NDST3: variants seen among roughly 807,000 people sequenced by gnomAD.
The protein encoded by NDST3 is N-deacetylase and N-sulfotransferase 3.
A neutral mutation model predicts 96.1 loss-of-function variants in NDST3; 58 were observed. The observed-to-expected ratio is 0.60, with a 90% CI of 0.49 to 0.75. NDST3 has a LOEUF of 0.75. NDST3 is among the 30% of genes least tolerant of loss of function. NDST3 has a pLI of 0.00. For missense variants in NDST3, 788 were observed against 1,034.2 expected, an observed-to-expected ratio of 0.76 and a Z score of 3.27; for synonymous variants, 333 against 359.7, an observed-to-expected ratio of 0.93 and a Z score of 0.84.
intron 2 of NDST3, 193 bp downstream of exon 2, chr4:118,055,084 G>T (rs562424717): frequency 1.4e-6 from 1 of 707,434 alleles, no homozygotes; most frequent in East Asian, 2.8e-5. Context: ...GAAAAATAAA[G>T]ATTTTACTAA....
intron 2 of NDST3, among the ~76,000 whole-genome samples, chr4:118,101,885 T>C (rs1729794607): frequency 6.6e-6 from 1 of 152,158 alleles, no homozygotes. Flanking sequence ...TATACTCATT[T>C]GATGCAATAT....
chr4:118,096,726 T>C (rs1560639957), intron 2 of NDST3, among the ~76,000 whole-genome samples: 1 of 150,798 alleles, frequency 6.6e-6, no homozygotes, highest in Non-Finnish European at 1.5e-5. Context: ...TAGGCAGATG[T>C]ATTATAAGGA....
intron 8 of NDST3, among the ~76,000 whole-genome samples, chr4:118,228,449 T>C (rs1460081474): frequency 6.6e-6 from 1 of 152,242 alleles, no homozygotes; most frequent in Non-Finnish European, 1.5e-5. Context: ...CATGGTTAGA[T>C]GGTAGAATTA....
rs868118145 is a variant in NDST3 at position 118,118,678 on chromosome 4, T to C, written c.1224+3718T>C. On this transcript the variant is annotated intron_variant, in intron 4 of 13. Coordinates refer to ENST00000296499, the MANE Select transcript of NDST3 (RefSeq NM_004784.3). Reference sequence around the variant, plus strand: ...AGGAAATGCAGCTTTAGAGGTTGAATGGAAAAAATTTTTAGTTACCAAATA... The same window carrying C: ...AGGAAATGCAGCTTTAGAGGTTGAACGGAAAAAATTTTTAGTTACCAAATA... Among the ~76,000 whole-genome samples, 27 of 152,238 alleles carry C rather than the reference T, an allele frequency of 1.8e-4. No individual in the cohort carries two copies. In the Middle Eastern group the frequency reaches 0.014, roughly 77 times the overall value.
rs2126020221 is a variant in NDST3 at position 118,258,347 on chromosome 4, A to G, written c.*2635A>G. On this transcript the variant is annotated 3_prime_UTR_variant, in exon 14 of 14. Coordinates refer to ENST00000296499, the MANE Select transcript of NDST3 (RefSeq NM_004784.3). The stretch of plus-strand genomic sequence containing the variant: ...TATACTCCAACTGGTTAATATGCTA[A>G]TCTGAAAGTAACATAAATACATATG... 6.6e-6 allele frequency: 1 copy of G among 152,356 alleles called. No homozygotes were observed. Among genetic ancestry groups the G allele is most frequent in the African/African-American group, 2.4e-5 (1 of 41,588 alleles). The allele number at this position is 152,356 out of a possible 1,614,324, so 9.4% of individuals were successfully genotyped here. A position where few individuals can be genotyped will look rare whatever the true frequency, so the allele number is the denominator to read the frequency against.
At chr4:118,128,023 G>A (rs1049432708) in intron 4 of NDST3, among the ~76,000 whole-genome samples, 2 of 151,920 alleles carry the variant, frequency 1.3e-5, no homozygotes, top group African/African-American at 4.8e-5. Context: ...ACTGGCTTTT[G>A]TATGTTGATC....
At chr4:118,225,297 A>T (rs150462609) in intron 7 of NDST3, among the ~76,000 whole-genome samples, 2 of 152,354 alleles carry the variant, frequency 1.3e-5, no homozygotes, top group East Asian at 3.9e-4. Context: ...TGTATCATAG[A>T]ATTGCAGGAA....
At chr4:118,182,777 C>T (rs781300113) in intron 6 of NDST3, among the ~76,000 whole-genome samples, 4 of 152,178 alleles carry the variant, frequency 2.6e-5, no homozygotes, top group Non-Finnish European at 4.4e-5. Flanking sequence ...AGGAGAATCT[C>T]ATCCAGTTTT....
At chr4:118,249,471 T>C (rs1231148584) in intron 12 of NDST3, among the ~76,000 whole-genome samples, 1 of 152,178 alleles carries the variant, frequency 6.6e-6, no homozygotes, top group East Asian at 1.9e-4. Context: ...TCTTTGTAAT[T>C]CTGAATATAG....
At chr4:118,119,972 A>C (rs1731421331) in intron 4 of NDST3, among the ~76,000 whole-genome samples, 1 of 152,138 alleles carries the variant, frequency 6.6e-6, no homozygotes, top group South Asian at 2.1e-4. Context: ...CAGTCTTAAG[A>C]TTTAGAAGAG....
At chr4:118,190,346 G>C (rs928189076) in intron 6 of NDST3, among the ~76,000 whole-genome samples, 1 of 151,886 alleles carries the variant, frequency 6.6e-6, no homozygotes, top group African/African-American at 2.4e-5. Flanking sequence ...AAGGTATATA[G>C]AATTAAACTC....
chr4:118,155,207 T>C (rs1734644685), intron 6 of NDST3, among the ~76,000 whole-genome samples: 2 of 152,234 alleles, frequency 1.3e-5, no homozygotes, highest in Non-Finnish European at 2.9e-5. Context: ...ACTGTGGTGT[T>C]AGATACAGCA....
intron 6 of NDST3, among the ~76,000 whole-genome samples, chr4:118,187,933 C>G (rs1213188072): frequency 1.3e-5 from 2 of 152,024 alleles, no homozygotes; most frequent in Non-Finnish European, 2.9e-5. Flanking sequence ...GATGTTGCTC[C>G]CAGAAGACCC....
intron 2 of NDST3, among the ~76,000 whole-genome samples, chr4:118,081,789 C>T (rs376120285): frequency 1.7e-3 from 266 of 152,306 alleles, no homozygotes; most frequent in African/African-American, 6.1e-3. Flanking sequence ...ATTAACCCTT[C>T]TTTCTCCACT....
intron 4 of NDST3, among the ~76,000 whole-genome samples, chr4:118,130,905 C>A (rs780544921): frequency 6.6e-6 from 1 of 152,180 alleles, no homozygotes; most frequent in Non-Finnish European, 1.5e-5. Flanking sequence ...CCTCTCCTGG[C>A]CTGTCAGGCT....
chr4:118,213,744 T>C (rs955534286), intron 6 of NDST3, among the ~76,000 whole-genome samples: 39 of 150,348 alleles, frequency 2.6e-4, no homozygotes, highest in Non-Finnish European at 4.4e-4. Flanking sequence ...TACTTTTTTA[T>C]ATAAATCCTA....
intron 2 of NDST3, among the ~76,000 whole-genome samples, chr4:118,094,897 G>T (rs528259756): frequency 6.6e-6 from 1 of 151,938 alleles, no homozygotes; most frequent in Admixed American, 6.6e-5. Context: ...GGTATAGCGT[G>T]ATAGGCTGAG....
At chr4:118,197,244 T>C (rs1737755318) in intron 6 of NDST3, among the ~76,000 whole-genome samples, 1 of 150,564 alleles carries the variant, frequency 6.6e-6, no homozygotes, top group African/African-American at 2.4e-5. Context: ...TTTTAAGACT[T>C]GTTTTGTGAC....
chr4:118,258,223 C>T lies in NDST3; in HGVS notation c.*2511C>T, dbSNP rs1186101545. The T allele has an allele frequency of 1.3e-5, 2 of 152,186 alleles. No individual in the cohort carries two copies. Among genetic ancestry groups the T allele is most frequent in the Admixed American group, 6.5e-5 (1 of 15,280 alleles). The allele number at this position is 152,186 out of a possible 1,614,324, so 9.4% of individuals were successfully genotyped here. On this transcript the variant is annotated 3_prime_UTR_variant, in exon 14 of 14. Transcript: ENST00000296499. ...TATTCATTCACAAGTACATGTATTA[C>T]GCTAGCTAGAGCAGCAAACCTGTGA...
Sources: gnomAD v4.1 joint callset for allele counts (sites outside exome capture counted in the v4.1 genomes callset) on GRCh38, gnomAD v4.1.1 for gene constraint, MANE v1.5 for transcripts, NCBI Gene and HGNC (gene_info 2026-07-23, HGNC 2026-07-21) for gene names.